The following PPP6R2 variants were observed in gnomAD, a reference collection of about 807,000 sequenced individuals.
PPP6R2 encodes the protein serine/threonine-protein phosphatase 6 regulatory subunit 2.
In PPP6R2, 62 loss-of-function variants were observed where a neutral mutation model predicts 100.2. That is an observed-to-expected ratio of 0.62 (90% CI 0.50 to 0.76). The LOEUF is 0.76. Ranked by LOEUF, PPP6R2 falls within the 30% of genes least tolerant of loss-of-function variation. PPP6R2 has a pLI of 0.00. For synonymous variants in PPP6R2, 525 were observed against 514.7 expected (o/e 1.02, Z -0.27); for missense variants, 1,142 against 1,276.3 (o/e 0.89, Z 1.60).
At chr22:50,337,434 TGC>T in the PPP6R2 span, among the ~76,000 whole-genome samples, 1 of 129,230 alleles carries the variant, frequency 7.7e-6, no homozygotes. Context: ...GGTGTGTGTG[TGC>T]GGTACGTGTG....
the PPP6R2 span, among the ~76,000 whole-genome samples, chr22:50,332,913 C>A: frequency 6.6e-6 from 1 of 152,218 alleles, no homozygotes; most frequent in African/African-American, 2.4e-5. Context: ...TGAGCCACCA[C>A]AACCAGTCCT....
rs1304386483 is a variant in PPP6R2, at chr22:50,372,055, A to T, written c.-112A>T. The T allele has an allele frequency of 6.6e-6, 1 of 152,132 alleles. No homozygotes were observed. Among genetic ancestry groups the T allele is most frequent in the African/African-American group, 2.4e-5 (1 of 41,418 alleles). The allele number at this position is 152,132 out of a possible 1,614,324, so 9.4% of individuals were successfully genotyped here. On this transcript the variant is annotated 5_prime_UTR_variant, in exon 2 of 24. Coordinates refer to ENST00000612753, the MANE Select transcript of PPP6R2 (RefSeq NM_001242898.2). The stretch of plus-strand genomic sequence containing the variant: ...TATAAATCTTCCACTGAATGAAAAA[A>T]ATTTTCTTAAAGCTGCATATACTCC...
At position 50,351,817 on chromosome 22, in the gene PPP6R2, G is replaced by A. The variant is rs1165151369; in HGVS notation, c.-148+8267G>A. 2.0e-5 allele frequency among the ~76,000 whole-genome samples: 3 copies of A among 150,540 alleles called. 1 individual carries two copies. The highest frequency in any genetic ancestry group is 1.3e-4 in the Admixed American group (2 of 15,076). On this transcript the variant is annotated intron_variant, in intron 1 of 23. Transcript: ENST00000612753. ...CCCAGCTAATTTTTTTTTTTGAAAC[G>A]GAGTCTTGCTCTGTCACCCAGTCTG...
the PPP6R2 span, among the ~76,000 whole-genome samples, chr22:50,338,247 T>G: frequency 1.0e-4 from 11 of 109,446 alleles, no homozygotes; most frequent in South Asian, 3.0e-4. Flanking sequence ...GTGGTGTGTT[T>G]GTGTCTATGT....
intron 4 of PPP6R2, among the ~76,000 whole-genome samples, chr22:50,409,635 C>G (rs1486183418): frequency 6.6e-6 from 1 of 152,328 alleles, no homozygotes; most frequent in Non-Finnish European, 1.5e-5. Context: ...ACCATGTTGG[C>G]CAGGATGGTC....
chr22:50,442,152 G>T (rs2065797746), intron 22 of PPP6R2, among the ~76,000 whole-genome samples: 1 of 152,204 alleles, frequency 6.6e-6, no homozygotes, highest in East Asian at 1.9e-4. Flanking sequence ...ATGCAGCTCA[G>T]CCTGCATGCG....
intron 12 of PPP6R2, among the ~76,000 whole-genome samples, chr22:50,434,077 G>C (rs2063675743): frequency 1.6e-5 from 1 of 60,832 alleles, no homozygotes; most frequent in Non-Finnish European, 3.3e-5. Context: ...TGCCCTGGAG[G>C]TGAACCTGGA....
intron 3 of PPP6R2, among the ~76,000 whole-genome samples, chr22:50,395,804 C>G (rs1210435812): frequency 1.3e-5 from 2 of 151,462 alleles, no homozygotes; most frequent in African/African-American, 4.8e-5. Context: ...TGGGCTCAAG[C>G]AATCCACCCA....
intron 22 of PPP6R2, among the ~76,000 whole-genome samples, chr22:50,442,453 G>A (rs780247794): frequency 3.3e-5 from 5 of 152,356 alleles, no homozygotes; most frequent in Middle Eastern, 3.4e-3. Flanking sequence ...TCCCGATGCC[G>A]GCAGTCACTG....
At chr22:50,383,729 A>T (rs1184028970) in intron 2 of PPP6R2, among the ~76,000 whole-genome samples, 1 of 152,130 alleles carries the variant, frequency 6.6e-6, no homozygotes, top group Admixed American at 6.6e-5. Context: ...GGTGCTAAAA[A>T]ATTAACTTAA....
intron 9 of PPP6R2, among the ~76,000 whole-genome samples, chr22:50,422,669 G>A (rs1437549930): frequency 2.6e-5 from 4 of 152,170 alleles, no homozygotes; most frequent in Admixed American, 6.5e-5. Flanking sequence ...AGGGGTGCTC[G>A]GCTCCTGAGA....
chr22:50,397,287 T>A (rs1048204897), intron 3 of PPP6R2, among the ~76,000 whole-genome samples: 3 of 152,068 alleles, frequency 2.0e-5, no homozygotes, highest in Non-Finnish European at 4.4e-5. Flanking sequence ...TAAGCAGAGA[T>A]GCCCTGAGTA....
At chr22:50,426,833 CAAAAAAAAA>C (rs71198248) in intron 10 of PPP6R2, among the ~76,000 whole-genome samples, 6 of 102,318 alleles carry the variant, frequency 5.9e-5, no homozygotes, top group Non-Finnish European at 1.1e-4. Context: ...GATTCTGTTT[CAAAAAAAAA>C]AAAAAAAAAC....
intron 4 of PPP6R2, among the ~76,000 whole-genome samples, chr22:50,413,363 T>C (rs7410438): frequency 4.2e-3 from 641 of 152,260 alleles, no homozygotes; most frequent in Non-Finnish European, 5.9e-3. Context: ...GTGTGGTGGC[T>C]CCTGCTTATT....
chr22:50,436,306 G>C, intron 13 of PPP6R2, 61 bp from the exon 14 acceptor site: 1 of 1,470,644 alleles, frequency 6.8e-7, no homozygotes, highest in Non-Finnish European at 9.3e-7. Flanking sequence ...GGAGCCCCCG[G>C]GTGCCCTGCA....
chr22:50,372,944 C>T (rs1047448905), intron 2 of PPP6R2, among the ~76,000 whole-genome samples: 26 of 152,222 alleles, frequency 1.7e-4, no homozygotes, highest in African/African-American at 6.3e-4. Flanking sequence ...GCCTCGGCCT[C>T]CCAAAGTGCT....
At chr22:50,347,158 C>T (rs2043963257) in intron 1 of PPP6R2, among the ~76,000 whole-genome samples, 2 of 152,032 alleles carry the variant, frequency 1.3e-5, no homozygotes. Flanking sequence ...TCCTCCCCAT[C>T]AGTTCTCCCC....
At chr22:50,333,094 G>A in the PPP6R2 span, among the ~76,000 whole-genome samples, 5 of 152,034 alleles carry the variant, frequency 3.3e-5, no homozygotes. Flanking sequence ...AGCTGTGATC[G>A]CACCAGTGCA....
intron 5 of PPP6R2, among the ~76,000 whole-genome samples, chr22:50,414,960 C>CT (rs1320196990): frequency 2.0e-5 from 3 of 152,244 alleles, no homozygotes; most frequent in African/African-American, 7.2e-5. Flanking sequence ...CCGAAATGGA[C>CT]TTTCCTCGCC....
Sources: gnomAD v4.1 joint callset for allele counts (sites outside exome capture counted in the v4.1 genomes callset) on GRCh38, gnomAD v4.1.1 for gene constraint, MANE v1.5 for transcripts, NCBI Gene and HGNC (gene_info 2026-07-23, HGNC 2026-07-21) for gene names.